GPC5: variants seen among roughly 807,000 people sequenced by gnomAD.
The protein encoded by GPC5 is glypican-5.
Under a neutral mutation model 53.9 loss-of-function variants are expected in GPC5, and 47 were observed. The ratio of observed to expected loss-of-function variants is 0.87; its 90% CI spans 0.69 to 1.11. GPC5 has a LOEUF of 1.11. GPC5 is among the 50% of genes most tolerant of loss of function. The pLI is 0.00. For missense variants in GPC5, 748 were observed against 713.1 expected, an observed-to-expected ratio of 1.05 and a Z score of -0.56; for synonymous variants, 286 against 263.3, an observed-to-expected ratio of 1.09 and a Z score of -0.84.
chr13:91,962,467 G>T (rs1204647066), intron 6 of GPC5, among the ~76,000 whole-genome samples: 2 of 152,044 alleles, frequency 1.3e-5, no homozygotes, highest in Non-Finnish European at 2.9e-5. Context: ...GGAGTAGATG[G>T]CCAATAAAAA....
At chr13:91,403,003 G>A (rs568899478) in intron 1 of GPC5, among the ~76,000 whole-genome samples, 2 of 152,294 alleles carry the variant, frequency 1.3e-5, no homozygotes, top group Non-Finnish European at 2.9e-5. Flanking sequence ...TCTGTAGGGA[G>A]GTAAAATAGT....
intron 7 of GPC5, among the ~76,000 whole-genome samples, chr13:92,757,426 G>A (rs1330802195): frequency 6.6e-6 from 1 of 152,178 alleles, no homozygotes; most frequent in Non-Finnish European, 1.5e-5. Context: ...CATGGGCAAG[G>A]ACTTCGTGTC....
At chr13:91,489,139 C>T (rs961140269) in intron 2 of GPC5, among the ~76,000 whole-genome samples, 1 of 152,190 alleles carries the variant, frequency 6.6e-6, no homozygotes, top group African/African-American at 2.4e-5. Context: ...TTTAATTTTG[C>T]CCCGGTCCTG....
chr13:91,484,309 T>C (rs1007084687), intron 2 of GPC5, among the ~76,000 whole-genome samples: 1 of 152,186 alleles, frequency 6.6e-6, no homozygotes, highest in Non-Finnish European at 1.5e-5. Context: ...AAAAAATGAC[T>C]AAAAATGTTC....
chr13:92,670,519 G>C (rs1188532121), intron 7 of GPC5, among the ~76,000 whole-genome samples: 2 of 152,158 alleles, frequency 1.3e-5, no homozygotes, highest in Non-Finnish European at 2.9e-5. Context: ...TCTCAGTGCT[G>C]TTCAGTTCTT....
chr13:92,554,186 G>C (rs971013263), intron 7 of GPC5, among the ~76,000 whole-genome samples: 1 of 151,810 alleles, frequency 6.6e-6, no homozygotes, highest in Non-Finnish European at 1.5e-5. Flanking sequence ...ATTTCAAATA[G>C]TTTACAGATT....
intron 7 of GPC5, among the ~76,000 whole-genome samples, chr13:92,699,927 G>C (rs111960022): frequency 0.16 from 24,788 of 152,140 alleles, 2,321 homozygotes; most frequent in Non-Finnish European, 0.22. Flanking sequence ...GGAGAGATCT[G>C]TAGATGTCTA....
At chr13:92,226,713 C>T (rs1166161194) in intron 7 of GPC5, among the ~76,000 whole-genome samples, 2 of 151,700 alleles carry the variant, frequency 1.3e-5, no homozygotes, top group Non-Finnish European at 2.9e-5. Flanking sequence ...ATTCTCCTTC[C>T]CCAGTCTCCC....
At chr13:91,832,291 C>CT (rs1207326666) in intron 5 of GPC5, among the ~76,000 whole-genome samples, 1 of 119,938 alleles carries the variant, frequency 8.3e-6, no homozygotes, top group Non-Finnish European at 1.8e-5. Context: ...TGCAACCATG[C>CT]TTTTTTCTCT....
At chr13:92,344,513 A>T (rs1256553762) in intron 7 of GPC5, among the ~76,000 whole-genome samples, 1 of 152,200 alleles carries the variant, frequency 6.6e-6, no homozygotes, top group Admixed American at 6.6e-5. Context: ...AAGACTGATG[A>T]TTCTATACAT....
intron 6 of GPC5, among the ~76,000 whole-genome samples, chr13:92,023,518 C>T (rs2040775646): frequency 6.6e-6 from 1 of 151,848 alleles, no homozygotes; most frequent in South Asian, 2.1e-4. Context: ...CTGTCATTTG[C>T]TGTTATTCTC....
intron 6 of GPC5, among the ~76,000 whole-genome samples, chr13:91,915,994 C>T (rs2039654718): frequency 6.6e-6 from 1 of 152,168 alleles, no homozygotes. Flanking sequence ...ATGCTTGCTA[C>T]CATATAGTAA....
chr13:92,595,684 C>T lies in GPC5; in HGVS notation c.1562-270598C>T, dbSNP rs982849590. On this transcript the variant is annotated intron_variant, in intron 7 of 7. Coordinates refer to ENST00000377067, the MANE Select transcript of GPC5 (RefSeq NM_004466.6). ...TTGGGAGGCTGAGGCAGGAGAATGGCGTGAACCCGGGAGGCGGAGCTTGCA... is the reference window on the plus strand; with the variant it reads ...TTGGGAGGCTGAGGCAGGAGAATGGTGTGAACCCGGGAGGCGGAGCTTGCA... Among the ~76,000 whole-genome samples, 241 of 142,592 alleles carry T rather than the reference C, an allele frequency of 1.7e-3. 6 individuals are homozygous for T. The highest frequency in any genetic ancestry group is 3.0e-4 in the Admixed American group (4 of 13,308). 93.5% of individuals were successfully genotyped at this position (142,592 alleles called of 152,430 possible). A position where few individuals can be genotyped will look rare whatever the true frequency, so the allele number is the denominator to read the frequency against.
intron 6 of GPC5, among the ~76,000 whole-genome samples, chr13:91,933,241 A>T (rs748680655): frequency 6.6e-6 from 1 of 151,822 alleles, no homozygotes; most frequent in Non-Finnish European, 1.5e-5. Flanking sequence ...GGCCTGTTTA[A>T]CCTACTCAAC....
intron 3 of GPC5, among the ~76,000 whole-genome samples, chr13:91,728,039 C>T (rs2036612284): frequency 6.6e-6 from 1 of 152,020 alleles, no homozygotes; most frequent in Non-Finnish European, 1.5e-5. Context: ...ACAAGGAGAT[C>T]TTCATATTAA....
At chr13:92,542,429 T>A (rs1881961245) in intron 7 of GPC5, among the ~76,000 whole-genome samples, 1 of 152,046 alleles carries the variant, frequency 6.6e-6, no homozygotes, top group South Asian at 2.1e-4. Flanking sequence ...ATATGAGTGA[T>A]AACATGTAGT....
intron 7 of GPC5, among the ~76,000 whole-genome samples, chr13:92,219,674 A>G (rs1036658430): frequency 1.3e-5 from 2 of 152,148 alleles, no homozygotes; most frequent in African/African-American, 4.8e-5. Context: ...ATAACTGTAT[A>G]ACTTGACTTT....
At chr13:91,981,074 G>C (rs1049878239) in intron 6 of GPC5, among the ~76,000 whole-genome samples, 2 of 152,140 alleles carry the variant, frequency 1.3e-5, no homozygotes, top group African/African-American at 4.8e-5. Flanking sequence ...TATTGTTTGT[G>C]TCTTTTTGTG....
intron 6 of GPC5, among the ~76,000 whole-genome samples, chr13:91,970,413 T>C (rs2040230380): frequency 6.6e-6 from 1 of 151,872 alleles, no homozygotes. Flanking sequence ...ATGCTTTAAA[T>C]TTGCTAGGAG....
Sources: allele counts gnomAD v4.1 joint callset (sites outside exome capture counted in the v4.1 genomes callset), GRCh38; gene constraint gnomAD v4.1.1; transcripts MANE v1.5; gene names NCBI Gene and HGNC (gene_info 2026-07-23, HGNC 2026-07-21).